SPATS2L: variants seen among roughly 807,000 people sequenced by gnomAD.
SPATS2L encodes the protein spermatogenesis associated serine rich 2 like.
SPATS2L carries 30 observed loss-of-function variants against 59.6 expected under a neutral mutation model. The observed-to-expected ratio is 0.50, with a 90% CI of 0.38 to 0.68. The LOEUF (loss-of-function observed/expected upper bound fraction) is 0.68, where lower values mean the gene tolerates loss of function less well. SPATS2L is among the 30% of genes least tolerant of loss of function. The pLI is 0.00. For missense variants in SPATS2L, 615 were observed against 700.0 expected (o/e 0.88, Z 1.37); for synonymous variants, 252 against 263.5 (o/e 0.96, Z 0.42).
At chr2:200,405,932 A>G (rs772641672) in intron 3 of SPATS2L, among the ~76,000 whole-genome samples, 3 of 152,234 alleles carry the variant, frequency 2.0e-5, no homozygotes, top group African/African-American at 4.8e-5. Context: ...GAATCCATTA[A>G]GCTTTTTAAT....
In SPATS2L at chr2:200,328,258, C is replaced by T. The variant is rs192768129; in HGVS notation, c.-72-1173C>T. ...GCCAAGATTTCATAGGATGAGAATT[C>T]ACCATGCTTATGGAGGTCATTACAA... On this transcript the variant is annotated intron_variant, in intron 1 of 12. Transcript: ENST00000409140. Among the ~76,000 whole-genome samples, 38 of 152,228 alleles carry T rather than the reference C, an allele frequency of 2.5e-4. No individual in the cohort carries two copies. The East Asian group carries it at 6.6e-3, about 26-fold the overall frequency.
chr2:200,328,142 G>A (rs970221117), intron 1 of SPATS2L, among the ~76,000 whole-genome samples: 5 of 152,136 alleles, frequency 3.3e-5, no homozygotes, highest in African/African-American at 7.2e-5. Flanking sequence ...CTTGGGGCAC[G>A]TGGATCCTGG....
intron 2 of SPATS2L, among the ~76,000 whole-genome samples, chr2:200,356,999 T>C (rs1237741596): frequency 1.3e-5 from 2 of 152,182 alleles, no homozygotes; most frequent in African/African-American, 4.8e-5. Context: ...CACTGCTGCA[T>C]TGGGGATTAA....
At chr2:200,404,843 C>T (rs533441451) in intron 3 of SPATS2L, among the ~76,000 whole-genome samples, 26 of 152,222 alleles carry the variant, frequency 1.7e-4, no homozygotes, top group Middle Eastern at 3.4e-3. Flanking sequence ...TTCCTTGGTT[C>T]GTGGCCCCCT....
chr2:200,340,964 G>A (rs1024860854), intron 2 of SPATS2L, among the ~76,000 whole-genome samples: 4 of 152,120 alleles, frequency 2.6e-5, no homozygotes, highest in African/African-American at 9.7e-5. Flanking sequence ...AATCACAGAA[G>A]CAATGTAACT....
chr2:200,464,315 G>C (rs1405316811), intron 9 of SPATS2L, among the ~76,000 whole-genome samples: 1 of 152,156 alleles, frequency 6.6e-6, no homozygotes, highest in African/African-American at 2.4e-5. Flanking sequence ...ATGTTAATGA[G>C]ACTATATGTA....
chr2:200,383,361 T>G (rs2081886516), intron 2 of SPATS2L, among the ~76,000 whole-genome samples: 2 of 152,248 alleles, frequency 1.3e-5, no homozygotes, highest in Non-Finnish European at 2.9e-5. Context: ...CATTTCAACA[T>G]ATAGTCGATA....
intron 10 of SPATS2L, 102 bp downstream of exon 10, chr2:200,467,501 G>A (rs2086679304): frequency 1.3e-6 from 1 of 769,348 alleles, no homozygotes; most frequent in South Asian, 1.6e-5. Flanking sequence ...GATCTAACAT[G>A]TACACCCAGC....
intron 3 of SPATS2L, among the ~76,000 whole-genome samples, chr2:200,394,917 C>T (rs577055847): frequency 6.6e-6 from 1 of 152,114 alleles, no homozygotes; most frequent in East Asian, 1.9e-4. Context: ...TATCCTGCTG[C>T]ATGAAATAAA....
intron 9 of SPATS2L, among the ~76,000 whole-genome samples, chr2:200,462,928 AAATAAT>A (rs1407528596): frequency 6.6e-6 from 1 of 151,536 alleles, no homozygotes; most frequent in African/African-American, 2.4e-5. Flanking sequence ...CCTGTATTAA[AAATAAT>A]AATAACAATA....
chr2:200,458,406 C>G (rs2086002509), intron 8 of SPATS2L, among the ~76,000 whole-genome samples: 1 of 151,922 alleles, frequency 6.6e-6, no homozygotes, highest in South Asian at 2.1e-4. Context: ...TCGTATACTT[C>G]CATCAGCACA....
intron 2 of SPATS2L, among the ~76,000 whole-genome samples, chr2:200,355,168 A>G (rs2080872069): frequency 6.6e-6 from 1 of 152,064 alleles, no homozygotes; most frequent in South Asian, 2.1e-4. Context: ...TCAATGCCAG[A>G]GCCACTGTGG....
chr2:200,358,493 A>T (rs2080990052), intron 2 of SPATS2L, among the ~76,000 whole-genome samples: 1 of 152,246 alleles, frequency 6.6e-6, no homozygotes, highest in South Asian at 2.1e-4. Context: ...AGGTACGTGA[A>T]TTTAATATTG....
intron 8 of SPATS2L, among the ~76,000 whole-genome samples, chr2:200,454,152 A>C (rs2085668531): frequency 6.6e-6 from 1 of 152,210 alleles, no homozygotes; most frequent in Non-Finnish European, 1.5e-5. Flanking sequence ...AAATGCATGG[A>C]AGATGGAATG....
chr2:200,469,715 C>A, intron 10 of SPATS2L, 199 bp from the exon 11 acceptor site: 1 of 518,394 alleles, frequency 1.9e-6, no homozygotes, highest in Non-Finnish European at 3.4e-6. Flanking sequence ...CTCACATATT[C>A]CCCAGGCAGG....
At chr2:200,358,463 C>T (rs1467534371) in intron 2 of SPATS2L, among the ~76,000 whole-genome samples, 1 of 152,194 alleles carries the variant, frequency 6.6e-6, no homozygotes, top group Non-Finnish European at 1.5e-5. Context: ...AGTTCACATA[C>T]AGGAAAAACC....
intron 2 of SPATS2L, among the ~76,000 whole-genome samples, chr2:200,379,479 G>A (rs2081723905): frequency 1.3e-5 from 2 of 152,168 alleles, no homozygotes; most frequent in African/African-American, 4.8e-5. Context: ...TTTAATGAAT[G>A]TTTGTCAAAT....
At chr2:200,468,379 C>CACACACACACACAT (rs10524674) in intron 10 of SPATS2L, among the ~76,000 whole-genome samples, 15 of 151,612 alleles carry the variant, frequency 9.9e-5, no homozygotes, top group Non-Finnish European at 1.8e-4. Flanking sequence ...CACACACACA[C>CACACACACACACAT]GCCTTCCAGC....
intron 6 of SPATS2L, among the ~76,000 whole-genome samples, chr2:200,435,523 A>T (rs2084224518): frequency 6.6e-6 from 1 of 152,128 alleles, no homozygotes; most frequent in African/African-American, 2.4e-5. Flanking sequence ...GCTCCCTACA[A>T]CTGGAAGGGC....
Sources: gnomAD v4.1 joint callset for allele counts (sites outside exome capture counted in the v4.1 genomes callset) on GRCh38, gnomAD v4.1.1 for gene constraint, MANE v1.5 for transcripts, NCBI Gene and HGNC (gene_info 2026-07-23, HGNC 2026-07-21) for gene names.